Variants in OSBP observed in about 807,000 individuals in gnomAD.
OSBP encodes the protein oxysterol-binding protein 1.
A neutral mutation model predicts 96.6 loss-of-function variants in OSBP; 32 were observed. That is an observed-to-expected ratio of 0.33 (90% CI 0.25 to 0.45). The LOEUF is 0.45. Among genes scored for constraint, OSBP ranks in the 20% least tolerant of loss-of-function variants. OSBP has a pLI of 1.00. For missense variants in OSBP, 653 were observed against 1,029.7 expected (o/e 0.63, Z 5.01); for synonymous variants, 369 against 389.6 (o/e 0.95, Z 0.62).
At chr11:59,584,153 CCTAAA>C (rs1210601968) in intron 9 of OSBP, among the ~76,000 whole-genome samples, 7 of 151,694 alleles carry the variant, frequency 4.6e-5, no homozygotes, top group Non-Finnish European at 1.0e-4. Context: ...CACTATGTTG[CCTAAA>C]CTGGTCTTGA....
In OSBP at chr11:59,580,353, C is replaced by G. The variant is rs138011003; in HGVS notation, c.1783-84G>C. 2.0e-4 allele frequency: 170 copies of G among 859,452 alleles called. No individual in the cohort carries two copies. In the African/African-American group the frequency reaches 2.4e-3, roughly 12 times the overall value. 53.2% of individuals were successfully genotyped at this position (859,452 alleles called of 1,614,324 possible). A position where few individuals can be genotyped will look rare whatever the true frequency, so the allele number is the denominator to read the frequency against. ...CCATGGTTCATAATTCTTTACTTTT[C>G]AATCTTACATTCTAGTAATCCCTTG... On this transcript the variant is annotated intron_variant, in intron 10 of 13. Transcript: ENST00000263847.
In OSBP at chr11:59,574,879, T is replaced by C. The variant is rs1334950570; in HGVS notation, c.*1698A>G. On this transcript the variant is annotated 3_prime_UTR_variant, in exon 14 of 14. Coordinates refer to ENST00000263847, the MANE Select transcript of OSBP (RefSeq NM_002556.3). ...GGGATGGCTTCCTTTGGAATGGTAT[T>C]TCCCCCAGGACCCACGCTGGCTGAG... 3 of 152,594 alleles carry C rather than the reference T, an allele frequency of 2.0e-5. No individual in the cohort carries two copies. Among genetic ancestry groups the C allele is most frequent in the Admixed American group, 1.3e-4 (2 of 15,276 alleles). The allele number at this position is 152,594 out of a possible 1,614,324, so 9.5% of individuals were successfully genotyped here.
chr11:59,588,706 T>C (rs573688465), intron 9 of OSBP, among the ~76,000 whole-genome samples: 1 of 152,008 alleles, frequency 6.6e-6, no homozygotes, highest in African/African-American at 2.4e-5. Flanking sequence ...ATGTGTATTT[T>C]ACAATTAAAA....
chr11:59,615,111 G>A (rs762948325), intron 1 of OSBP, among the ~76,000 whole-genome samples, 192 bp downstream of exon 1: 1 of 152,210 alleles, frequency 6.6e-6, no homozygotes, highest in African/African-American at 2.4e-5. Context: ...GAGGGGAGGG[G>A]AGGTGTACGT....
chr11:59,603,787 G>A (rs1017273078), intron 3 of OSBP, among the ~76,000 whole-genome samples: 4 of 151,946 alleles, frequency 2.6e-5, no homozygotes, highest in Non-Finnish European at 5.9e-5. Flanking sequence ...ATCCACACCT[G>A]GGACTACAGG....
rs779250604 is a variant in OSBP at position 59,600,842 on chromosome 11, T to C, written c.1156A>G (p.Ser386Gly). The C allele has an allele frequency of 6.2e-7, 1 of 1,613,808 alleles. No individual in the cohort carries two copies. The highest frequency in any genetic ancestry group is 8.5e-7 in the Non-Finnish European group (1 of 1,179,890). The change falls in exon 6 of 14, where the codon AGT becomes GGT. Residue 386 changes from serine (S) to glycine (G), a missense_variant. Transcript: ENST00000263847. ...ACCTGTTCATCAAGGCTGATGTCACTGCTGGCTCCACTGATATTGCTGCCA... is the reference window on the plus strand; with the variant it reads ...ACCTGTTCATCAAGGCTGATGTCACCGCTGGCTCCACTGATATTGCTGCCA... The part of the protein sequence containing the change: ...RTGSNISGAS[S>G]DISLDEQYKH...
chr11:59,601,131 AAAAG>A, intron 5 of OSBP, 148 bp downstream of exon 5: 1 of 555,148 alleles, frequency 1.8e-6, no homozygotes, highest in Non-Finnish European at 3.1e-6. Context: ...AAAAAAAAAA[AAAAG>A]GGAAAAGGGC....
At chr11:59,611,923 T>C (rs1860853583) in intron 1 of OSBP, among the ~76,000 whole-genome samples, 1 of 152,230 alleles carries the variant, frequency 6.6e-6, no homozygotes, top group Non-Finnish European at 1.5e-5. Context: ...ACAAACTGTG[T>C]CATTTCCCTA....
chr11:59,586,416 TAAATG>T (rs1205366663), intron 9 of OSBP, among the ~76,000 whole-genome samples: 1 of 152,072 alleles, frequency 6.6e-6, no homozygotes, highest in Non-Finnish European at 1.5e-5. Flanking sequence ...TTAAGATAAA[TAAATG>T]GAAACACATC....
chr11:59,577,778 A>G (rs1411159637), intron 12 of OSBP, among the ~76,000 whole-genome samples: 1 of 152,226 alleles, frequency 6.6e-6, no homozygotes, highest in Admixed American at 6.5e-5. Flanking sequence ...GGCGTGAGCC[A>G]CCGCACCTGG....
intron 12 of OSBP, 90 bp downstream of exon 12, chr11:59,578,059 T>G: frequency 8.3e-7 from 1 of 1,203,682 alleles, no homozygotes; most frequent in Non-Finnish European, 1.2e-6. Context: ...CCCCACATAA[T>G]TAAGTGAGAG....
In OSBP at chr11:59,600,845, T is replaced by C; in HGVS notation, c.1153A>G (p.Ser385Gly). 1 of 1,613,874 alleles carries C rather than the reference T, an allele frequency of 6.2e-7. No individual in the cohort carries two copies. The highest frequency in any genetic ancestry group is 8.5e-7 in the Non-Finnish European group (1 of 1,179,884). Residue 385 changes from serine to glycine, a missense_variant, in exon 6 of 14, where the codon AGC (serine) becomes GGC (glycine). Ser to Gly is a moderately conservative substitution (Grantham distance 56). Transcript: ENST00000263847. ...KRTGSNISGA[S>G]SDISLDEQYK... ...TGTTCATCAAGGCTGATGTCACTGC[T>C]GGCTCCACTGATATTGCTGCCAGTA...
chr11:59,600,484 C>CAAG lies in OSBP; in HGVS notation c.1311+9_1311+11dup, dbSNP rs1565119071. The CAAG allele has an allele frequency of 1.9e-6, 3 of 1,613,200 alleles. No individual in the cohort carries two copies. ...AACTCCTGGCAGCAGCTCCAGTGTGCAAGAACCTTACCGGCATGGGGATCT... is the reference window on the plus strand; with the variant it reads ...AACTCCTGGCAGCAGCTCCAGTGTGCAAGAAGAACCTTACCGGCATGGGGATCT... On this transcript the variant is annotated intron_variant, in intron 7 of 13. Transcript: ENST00000263847.
intron 9 of OSBP, among the ~76,000 whole-genome samples, chr11:59,585,914 A>C (rs978720043): frequency 6.6e-6 from 1 of 152,222 alleles, no homozygotes; most frequent in African/African-American, 2.4e-5. Flanking sequence ...ACTCAGGGTT[A>C]AATGGATTAA....
chr11:59,604,754 C>T (rs1026908666), intron 3 of OSBP, among the ~76,000 whole-genome samples: 3 of 151,544 alleles, frequency 2.0e-5, no homozygotes, highest in African/African-American at 7.3e-5. Context: ...ACTCAGAAGG[C>T]TGAGGAGTGA....
At position 59,593,713 on chromosome 11, in the gene OSBP, A is replaced by G. The variant is rs2134663412; in HGVS notation, c.1569T>C (p.His523=). The G allele has an allele frequency of 6.2e-7, 1 of 1,613,970 alleles. No individual in the cohort carries two copies. Among genetic ancestry groups the G allele is most frequent in the South Asian group, 1.1e-5 (1 of 91,068 alleles). Residue 523 remains histidine, a synonymous_variant, in exon 9 of 14, where the codon CAT becomes CAC. Transcript: ENST00000263847. ...YRSLCEQVSH[H]PPAAAHHAES... ...CAGCATGGTGCGCAGCAGCAGGGGG[A>G]TGATGACTCACCTTGAAGAAATCAG...
chr11:59,577,401 T>C (rs1860373005), intron 12 of OSBP, among the ~76,000 whole-genome samples: 2 of 152,220 alleles, frequency 1.3e-5, no homozygotes, highest in South Asian at 4.1e-4. Flanking sequence ...CTGTATTAGA[T>C]GACGACAGGA....
intron 10 of OSBP, among the ~76,000 whole-genome samples, chr11:59,580,666 A>AT (rs944769180): frequency 1.3e-5 from 2 of 151,270 alleles, no homozygotes; most frequent in Admixed American, 6.6e-5. Context: ...GATTCATTTC[A>AT]TTTTCCCTCC....
At chr11:59,601,029 T>C (rs1456232023) in intron 5 of OSBP, among the ~76,000 whole-genome samples, 156 bp from the exon 6 acceptor site, 1 of 149,994 alleles carries the variant, frequency 6.7e-6, no homozygotes, top group African/African-American at 2.5e-5. Flanking sequence ...AATTTAAGTA[T>C]CTCTGGAGAA....
Sources: gnomAD v4.1 joint callset for allele counts (sites outside exome capture counted in the v4.1 genomes callset) on GRCh38, gnomAD v4.1.1 for gene constraint, MANE v1.5 for transcripts, NCBI Gene and HGNC (gene_info 2026-07-23, HGNC 2026-07-21) for gene names.